Variants in SPATA16 observed in about 807,000 individuals in gnomAD.
SPATA16 encodes the protein spermatogenesis-associated protein 16.
SPATA16 carries 36 observed loss-of-function variants against 63.3 expected under a neutral mutation model. The ratio of observed to expected loss-of-function variants is 0.57; its 90% confidence interval spans 0.44 to 0.75. SPATA16 has a LOEUF of 0.75. Ranked by LOEUF, SPATA16 falls within the 30% of genes least tolerant of loss-of-function variation. The probability of loss-of-function intolerance (pLI) is 0.00; values close to 1 mark genes in which losing one functional copy is unlikely to be tolerated. For missense variants in SPATA16, 646 were observed against 679.3 expected, an observed-to-expected ratio of 0.95 and a Z score of 0.54; for synonymous variants, 203 against 216.7, an observed-to-expected ratio of 0.94 and a Z score of 0.56.
At chr3:172,997,888 G>A (rs569304007) in intron 4 of SPATA16, among the ~76,000 whole-genome samples, 7 of 152,070 alleles carry the variant, frequency 4.6e-5, no homozygotes, top group South Asian at 2.1e-4. Flanking sequence ...TGGCTCTTTC[G>A]GATTAAAGAT....
chr3:172,922,549 A>G (rs577692266), intron 8 of SPATA16, among the ~76,000 whole-genome samples: 1 of 152,354 alleles, frequency 6.6e-6, no homozygotes, highest in Admixed American at 6.5e-5. Context: ...CTATGTTCAC[A>G]TTGTGAAATC....
intron 3 of SPATA16, among the ~76,000 whole-genome samples, chr3:173,033,861 C>T (rs982950879): frequency 1.3e-5 from 2 of 152,010 alleles, no homozygotes; most frequent in Non-Finnish European, 2.9e-5. Context: ...TGCACCACCA[C>T]GCCTGGCTAA....
At chr3:173,115,756 T>C (rs1412270987) in intron 2 of SPATA16, among the ~76,000 whole-genome samples, 4 of 152,238 alleles carry the variant, frequency 2.6e-5, no homozygotes, top group African/African-American at 9.6e-5. Context: ...TCATTATAAC[T>C]GTAGTCATTT....
At chr3:172,970,453 C>G (rs1170715636) in intron 5 of SPATA16, among the ~76,000 whole-genome samples, 1 of 152,148 alleles carries the variant, frequency 6.6e-6, no homozygotes, top group Non-Finnish European at 1.5e-5. Context: ...TTAAACACTT[C>G]TAGATAAAAT....
intron 2 of SPATA16, among the ~76,000 whole-genome samples, chr3:173,102,440 G>C (rs558649338): frequency 5.6e-4 from 85 of 152,288 alleles, no homozygotes; most frequent in African/African-American, 1.9e-3. Flanking sequence ...CTTCTGGTGA[G>C]GCCTCAGGGT....
intron 4 of SPATA16, among the ~76,000 whole-genome samples, chr3:173,007,221 C>T (rs1405799720): frequency 6.6e-6 from 1 of 152,006 alleles, no homozygotes; most frequent in African/African-American, 2.4e-5. Flanking sequence ...TATGAGTGAA[C>T]CAGAGGGCGG....
intron 3 of SPATA16, among the ~76,000 whole-genome samples, chr3:173,037,156 A>G (rs16846448): frequency 0.05 from 7,592 of 152,168 alleles, 444 homozygotes; most frequent in African/African-American, 0.14. Flanking sequence ...AATGAAGATG[A>G]AGAAGCACAT....
chr3:173,023,617 T>C (rs1462194847), intron 3 of SPATA16, among the ~76,000 whole-genome samples: 1 of 151,906 alleles, frequency 6.6e-6, no homozygotes, highest in Non-Finnish European at 1.5e-5. Context: ...TAGACATTTT[T>C]ATATTATTGT....
At chr3:172,983,214 A>G (rs1734361474) in intron 4 of SPATA16, among the ~76,000 whole-genome samples, 1 of 152,152 alleles carries the variant, frequency 6.6e-6, no homozygotes, top group African/African-American at 2.4e-5. Context: ...CAACCCAACT[A>G]CACCGTATTC....
At chr3:172,982,802 A>C (rs889089082) in intron 4 of SPATA16, among the ~76,000 whole-genome samples, 1 of 152,208 alleles carries the variant, frequency 6.6e-6, no homozygotes, top group Non-Finnish European at 1.5e-5. Flanking sequence ...GGATATTTCT[A>C]AGACTGTGCA....
intron 5 of SPATA16, among the ~76,000 whole-genome samples, chr3:172,958,664 A>T (rs1304589653): frequency 6.6e-6 from 1 of 152,162 alleles, no homozygotes; most frequent in East Asian, 1.9e-4. Context: ...AGTTCTGGAG[A>T]CTGGAAGTCC....
intron 3 of SPATA16, among the ~76,000 whole-genome samples, chr3:173,031,336 T>C (rs1302883129): frequency 6.6e-6 from 1 of 151,962 alleles, no homozygotes; most frequent in East Asian, 1.9e-4. Flanking sequence ...TGCACAAATA[T>C]TATATCTTAA....
chr3:172,946,845 AT>A (rs1305799828), intron 6 of SPATA16, among the ~76,000 whole-genome samples: 17 of 152,172 alleles, frequency 1.1e-4, no homozygotes, highest in African/African-American at 4.1e-4. Flanking sequence ...CCTTGAGTGA[AT>A]ATAGGTGGTA....
intron 5 of SPATA16, among the ~76,000 whole-genome samples, chr3:172,962,627 G>T (rs962405996): frequency 5.9e-5 from 9 of 151,944 alleles, no homozygotes; most frequent in African/African-American, 1.7e-4. Flanking sequence ...TTTTATATAG[G>T]CTATTTCCTT....
chr3:173,057,115 CTTT>C (rs397876631), intron 2 of SPATA16, among the ~76,000 whole-genome samples: 2 of 138,172 alleles, frequency 1.4e-5, no homozygotes. Context: ...CTTTTCTTTT[CTTT>C]TTTTTTTTTT....
intron 4 of SPATA16, among the ~76,000 whole-genome samples, chr3:172,984,931 C>G (rs570198830): frequency 6.6e-6 from 1 of 152,262 alleles, no homozygotes; most frequent in South Asian, 2.1e-4. Context: ...TAAAATCAAG[C>G]TATAACTTGA....
chr3:173,118,972 C>T (rs1169813260), intron 1 of SPATA16, among the ~76,000 whole-genome samples: 6 of 152,252 alleles, frequency 3.9e-5, no homozygotes, highest in East Asian at 1.9e-4. Flanking sequence ...AGATAAAAAT[C>T]GTGAGTCACT....
intron 4 of SPATA16, among the ~76,000 whole-genome samples, chr3:173,000,049 A>G (rs1454879829): frequency 6.6e-6 from 1 of 152,186 alleles, no homozygotes; most frequent in Non-Finnish European, 1.5e-5. Context: ...TTAGTCATCA[A>G]TGTAACAGTT....
At chr3:173,120,892 T>G (rs1738045596) in intron 1 of SPATA16, among the ~76,000 whole-genome samples, 1 of 151,904 alleles carries the variant, frequency 6.6e-6, no homozygotes, top group African/African-American at 2.4e-5. Flanking sequence ...AACTGCTCTA[T>G]AGAAATCATC....
Sources: gnomAD v4.1 joint callset for allele counts (sites outside exome capture counted in the v4.1 genomes callset) on GRCh38, gnomAD v4.1.1 for gene constraint, MANE v1.5 for transcripts, NCBI Gene and HGNC (gene_info 2026-07-23, HGNC 2026-07-21) for gene names.